The following SGCZ variants were observed in gnomAD, a reference collection of about 807,000 sequenced individuals.
The protein encoded by SGCZ is sarcoglycan zeta.
Under a neutral mutation model 41.3 loss-of-function variants are expected in SGCZ, and 40 were observed. The ratio of observed to expected loss-of-function variants is 0.97; its 90% CI spans 0.75 to 1.26. The LOEUF (loss-of-function observed/expected upper bound fraction) is 1.26. Ranked by LOEUF, SGCZ falls within the 50% of genes most tolerant of loss-of-function variation. SGCZ has a pLI of 0.00. For synonymous variants in SGCZ, 206 were observed against 137.5 expected, an observed-to-expected ratio of 1.50 and a Z score of -3.49; for missense variants, 552 against 369.8, an observed-to-expected ratio of 1.49 and a Z score of -4.04.
chr8:15,109,713 G>C (rs1164697928), intron 1 of SGCZ, among the ~76,000 whole-genome samples: 3 of 152,148 alleles, frequency 2.0e-5, no homozygotes, highest in Non-Finnish European at 2.9e-5. Context: ...GTTCTGGGTA[G>C]TTAAATGAGT....
chr8:14,616,040 T>G (rs547709385), intron 1 of SGCZ, among the ~76,000 whole-genome samples: 45 of 152,162 alleles, frequency 3.0e-4, no homozygotes, highest in Admixed American at 1.5e-3. Flanking sequence ...TCCCAGCACT[T>G]TGGGAGGCTG....
At chr8:14,650,832 GGTAAAATAGAGGGGAGTGATAT>G (rs1325070466) in intron 1 of SGCZ, among the ~76,000 whole-genome samples, 4 of 151,792 alleles carry the variant, frequency 2.6e-5, no homozygotes, top group Non-Finnish European at 2.9e-5. Flanking sequence ...ATGTTTATGT[GGTAAAATAGAGGGGAGTGATAT>G]GTTATACCTA....
At chr8:14,280,056 A>C (rs1800369204) in intron 3 of SGCZ, among the ~76,000 whole-genome samples, 1 of 151,974 alleles carries the variant, frequency 6.6e-6, no homozygotes, top group South Asian at 2.1e-4. Flanking sequence ...TGAGTCATAC[A>C]ATGTGGGATT....
chr8:14,867,873 T>G (rs934487976), intron 1 of SGCZ, among the ~76,000 whole-genome samples: 20 of 151,426 alleles, frequency 1.3e-4, no homozygotes, highest in African/African-American at 4.9e-4. Context: ...TGACACAGGT[T>G]TACCTAAGTA....
At chr8:14,727,560 G>C (rs952288182) in intron 1 of SGCZ, among the ~76,000 whole-genome samples, 4 of 150,606 alleles carry the variant, frequency 2.7e-5, no homozygotes, top group African/African-American at 9.8e-5. Flanking sequence ...GCCCAGGCTA[G>C]AGTGCAGTGG....
chr8:15,189,377 G>T (rs911597476), intron 1 of SGCZ, among the ~76,000 whole-genome samples: 12 of 152,114 alleles, frequency 7.9e-5, no homozygotes, highest in African/African-American at 2.4e-4. Context: ...CCTCCTGAAA[G>T]AATTTTTTTG....
chr8:14,728,307 G>C (rs867097404), intron 1 of SGCZ, among the ~76,000 whole-genome samples: 1 of 111,264 alleles, frequency 9.0e-6, no homozygotes, highest in Admixed American at 9.6e-5. Context: ...TTTAAAGGAA[G>C]AAAGAAAACT....
chr8:14,675,842 T>C (rs12550695), intron 1 of SGCZ, among the ~76,000 whole-genome samples: 85,052 of 152,008 alleles, frequency 0.56, 25,362 homozygotes, highest in East Asian at 0.76. Context: ...CAAACTGCTG[T>C]GCAGATTTGG....
intron 1 of SGCZ, among the ~76,000 whole-genome samples, chr8:14,956,863 A>G (rs1200895435): frequency 2.0e-5 from 3 of 152,172 alleles, no homozygotes; most frequent in African/African-American, 7.2e-5. Context: ...AGAAAGAGTA[A>G]TGAATTTTAC....
chr8:14,608,150 G>T (rs888599567), intron 1 of SGCZ, among the ~76,000 whole-genome samples: 1 of 151,886 alleles, frequency 6.6e-6, no homozygotes, highest in African/African-American at 2.4e-5. Context: ...AGGCACTAAT[G>T]GACTGCTTTT....
At position 14,343,151 on chromosome 8, in the gene SGCZ, G is replaced by A. The variant is rs549028547; in HGVS notation, c.235-18947C>T. Among the ~76,000 whole-genome samples, 9 of 152,354 alleles carry A rather than the reference G, an allele frequency of 5.9e-5. No individual in the cohort carries two copies. The South Asian group carries it at 1.9e-3, about 32-fold the overall frequency. ...TCTGCCTAAATTTCAGAAGATGTAT[G>A]GAAACACTTGGATGCCCAGGCAAAA... On this transcript the variant is annotated intron_variant, in intron 2 of 7. Coordinates refer to ENST00000382080, the MANE Select transcript of SGCZ (RefSeq NM_139167.4).
At chr8:14,616,410 T>G (rs1386289317) in intron 1 of SGCZ, among the ~76,000 whole-genome samples, 2 of 152,158 alleles carry the variant, frequency 1.3e-5, no homozygotes, top group East Asian at 3.8e-4. Flanking sequence ...AAGCTTAAGC[T>G]TCCCGAAAGC....
chr8:14,551,064 T>C, intron 2 of SGCZ, among the ~76,000 whole-genome samples: 1 of 151,668 alleles, frequency 6.6e-6, no homozygotes, highest in East Asian at 2.0e-4. Context: ...CTCACAGCAT[T>C]AATGAATTTG....
At chr8:14,721,839 C>G (rs1809896075) in intron 1 of SGCZ, among the ~76,000 whole-genome samples, 1 of 151,434 alleles carries the variant, frequency 6.6e-6, no homozygotes, top group South Asian at 2.1e-4. Flanking sequence ...CATTCATTAA[C>G]TATCTGATCT....
intron 3 of SGCZ, among the ~76,000 whole-genome samples, chr8:14,257,715 G>T (rs912322709): frequency 1.3e-5 from 2 of 150,212 alleles, no homozygotes; most frequent in South Asian, 2.1e-4. Flanking sequence ...TCCCACCTAT[G>T]AGTGAGAACA....
chr8:14,596,811 C>T (rs1204066098), intron 1 of SGCZ, among the ~76,000 whole-genome samples: 1 of 152,034 alleles, frequency 6.6e-6, no homozygotes, highest in Non-Finnish European at 1.5e-5. Context: ...ACATTTTGCA[C>T]ATGTATCCTG....
chr8:14,871,223 A>C (rs1480166691), intron 1 of SGCZ, among the ~76,000 whole-genome samples: 1 of 152,034 alleles, frequency 6.6e-6, no homozygotes, highest in African/African-American at 2.4e-5. Context: ...CAAAAAAAAA[A>C]GTCAGGAAAC....
intron 4 of SGCZ, among the ~76,000 whole-genome samples, chr8:14,173,579 G>T (rs1165480707): frequency 1.3e-5 from 2 of 152,078 alleles, no homozygotes; most frequent in African/African-American, 2.4e-5. Context: ...AAGCAGCAGA[G>T]ATAAATGAAG....
At chr8:15,054,428 A>G (rs555198442) in intron 1 of SGCZ, among the ~76,000 whole-genome samples, 210 of 152,134 alleles carry the variant, frequency 1.4e-3, no homozygotes, top group African/African-American at 4.1e-3. Flanking sequence ...CCCCCACACC[A>G]CACAGGTAAG....
Sources: gnomAD v4.1 joint callset for allele counts (sites outside exome capture counted in the v4.1 genomes callset) on GRCh38, gnomAD v4.1.1 for gene constraint, MANE v1.5 for transcripts, NCBI Gene and HGNC (gene_info 2026-07-23, HGNC 2026-07-21) for gene names.